Variants in NUP93 observed in about 807,000 individuals in gnomAD.
NUP93 encodes the protein nuclear pore complex protein Nup93.
NUP93 carries 55 observed loss-of-function variants against 107.8 expected under a neutral mutation model. The ratio of observed to expected loss-of-function variants is 0.51; its 90% CI spans 0.41 to 0.64. The LOEUF (loss-of-function observed/expected upper bound fraction) is 0.64. Ranked by LOEUF, NUP93 falls within the 30% of genes least tolerant of loss-of-function variation. The pLI, the probability that NUP93 is intolerant of heterozygous loss-of-function variation, is 0.00. For synonymous variants in NUP93, 390 were observed against 397.5 expected (o/e 0.98, Z 0.22); for missense variants, 937 against 1,044.7 (o/e 0.90, Z 1.42).
rs1304204997 is a variant in NUP93 at position 56,849,115 on chromosome 16, A to C, written c.*4506A>C. 6.6e-6 allele frequency: 1 copy of C among 152,246 alleles called. No individual in the cohort carries two copies. The highest frequency in any genetic ancestry group is 2.4e-5 in the African/African-American group (1 of 41,456). The allele number at this position is 152,246 out of a possible 1,614,324, so 9.4% of individuals were successfully genotyped here. A position where few individuals can be genotyped will look rare whatever the true frequency, so the allele number is the denominator to read the frequency against. ...GGCTCCTCCCCACATCCTCTGGATCAGCTCCACGTGCCTAGATTCAGACTC... is the reference window on the plus strand; with the variant it reads ...GGCTCCTCCCCACATCCTCTGGATCCGCTCCACGTGCCTAGATTCAGACTC... On this transcript the variant is annotated 3_prime_UTR_variant, in exon 22 of 22. Transcript: ENST00000308159.
intron 2 of NUP93, among the ~76,000 whole-genome samples, chr16:56,749,970 G>A (rs1399695019): frequency 6.6e-6 from 1 of 152,194 alleles, no homozygotes; most frequent in Non-Finnish European, 1.5e-5. Context: ...ACTCCTGGCT[G>A]CCTGCAGTTA....
chr16:56,746,235 G>A (rs1349199369), intron 1 of NUP93, among the ~76,000 whole-genome samples: 1 of 152,170 alleles, frequency 6.6e-6, no homozygotes, highest in East Asian at 1.9e-4. Context: ...CCATGGTTTC[G>A]TGTAATTAGT....
chr16:56,808,811 A>AATATGT (rs1199656874), intron 5 of NUP93, among the ~76,000 whole-genome samples: 1 of 140,954 alleles, frequency 7.1e-6, no homozygotes, highest in Admixed American at 7.1e-5. Context: ...TACATATATA[A>AATATGT]ATATAAATAC....
intron 3 of NUP93, among the ~76,000 whole-genome samples, chr16:56,787,037 A>G (rs1962642981): frequency 6.6e-6 from 1 of 152,248 alleles, no homozygotes; most frequent in Admixed American, 6.5e-5. Flanking sequence ...CAGCTCTGAC[A>G]GGGTAAAGTC....
rs146511371 is a variant in NUP93 at position 56,806,153 on chromosome 16, C to T, written c.489+521C>T. Among the ~76,000 whole-genome samples, 777 of 151,134 alleles carry T rather than the reference C, an allele frequency of 5.1e-3. 6 individuals are homozygous for T. The highest frequency in any genetic ancestry group is 7.4e-3 in the Non-Finnish European group (503 of 67,870). On this transcript the variant is annotated intron_variant, in intron 5 of 21. Coordinates refer to ENST00000308159, the MANE Select transcript of NUP93 (RefSeq NM_014669.5). Reference sequence around the variant, plus strand: ...GCAACTCCTTCCCTATCCCCCTTCTCTTCTCACAGAGTTCCCTATCTTTAT... The same window carrying T: ...GCAACTCCTTCCCTATCCCCCTTCTTTTCTCACAGAGTTCCCTATCTTTAT...
At chr16:56,784,290 C>T in intron 3 of NUP93, among the ~76,000 whole-genome samples, 1 of 152,000 alleles carries the variant, frequency 6.6e-6, no homozygotes, top group East Asian at 1.9e-4. Flanking sequence ...CTTATTTTTG[C>T]TCTTGTTTTT....
rs140437118 is a variant in NUP93, at chr16:56,834,745, T to G, written c.1749T>G (p.Ile583Met). 864 of 1,612,444 alleles carry G rather than the reference T, an allele frequency of 5.4e-4. 8 individuals carry two copies. The Middle Eastern group carries it at 5.6e-3, about 10-fold the overall frequency. Residue 583 changes from isoleucine (I) to methionine (M), a missense_variant, in exon 16 of 22, where the codon ATT becomes ATG. Ile to Met is a conservative substitution (Grantham distance 10). Coordinates refer to ENST00000308159, the MANE Select transcript of NUP93 (RefSeq NM_014669.5). ...TTTTCCTTCCACAGTTCGATATGATTCTTGGGAAACTAGAGAATGACGGAA... is the reference window on the plus strand; with the variant it reads ...TTTTCCTTCCACAGTTCGATATGATGCTTGGGAAACTAGAGAATGACGGAA... ...LVIESREFDM[I>M]LGKLENDGSR... is the part of the protein sequence containing the mutation.
chr16:56,765,562 T>C (rs1349276400), intron 3 of NUP93, among the ~76,000 whole-genome samples: 1 of 152,162 alleles, frequency 6.6e-6, no homozygotes, highest in Admixed American at 6.5e-5. Context: ...AAGATTTGGG[T>C]GTAGTGACTG....
intron 3 of NUP93, among the ~76,000 whole-genome samples, chr16:56,790,822 T>C (rs900486175): frequency 6.6e-6 from 1 of 152,224 alleles, no homozygotes; most frequent in South Asian, 2.1e-4. Flanking sequence ...CCAATACTTA[T>C]TGGACTTCTT....
At chr16:56,746,396 A>G (rs1961821775) in intron 1 of NUP93, among the ~76,000 whole-genome samples, 1 of 152,156 alleles carries the variant, frequency 6.6e-6, no homozygotes, top group East Asian at 1.9e-4. Context: ...CCATTTTCTC[A>G]CAATAAAGAT....
intron 1 of NUP93, among the ~76,000 whole-genome samples, chr16:56,735,193 G>C (rs181629653): frequency 6.6e-5 from 10 of 152,328 alleles, no homozygotes; most frequent in Admixed American, 2.0e-4. Context: ...TGGTAATAAT[G>C]ATAGCTAATG....
At position 56,833,331 on chromosome 16, in the gene NUP93, C is replaced by T. The variant is rs761061459; in HGVS notation, c.1462C>T (p.His488Tyr). ...TTTCCGCATGGAGCGGCTGCGCTGC[C>T]ATGCTGTCCATGTAGCACTGGTGCT... is the stretch of plus-strand genomic sequence containing the variant. ...FLFRMERLRCHAVHVALVLFE... is the reference protein window; with the variant it reads ...FLFRMERLRCYAVHVALVLFE... Residue 488 changes from histidine to tyrosine, a missense_variant, in exon 13 of 22, where the codon CAT becomes TAT. Coordinates refer to ENST00000308159, the MANE Select transcript of NUP93 (RefSeq NM_014669.5). 1.2e-6 allele frequency: 2 copies of T among 1,606,490 alleles called. No homozygotes were observed. Among genetic ancestry groups the T allele is most frequent in the Admixed American group, 1.7e-5 (1 of 58,678 alleles).
intron 10 of NUP93, 109 bp downstream of exon 10, chr16:56,830,794 T>C (rs1185525750): frequency 2.8e-6 from 3 of 1,083,542 alleles, no homozygotes; most frequent in East Asian, 2.7e-5. Flanking sequence ...AAGTTTCTGC[T>C]TGGGGGAAAA....
At position 56,758,606 on chromosome 16, in the gene NUP93, C is replaced by T; in HGVS notation, c.248C>T (p.Ala83Val). 1.2e-6 allele frequency: 2 copies of T among 1,613,890 alleles called. No homozygotes were observed. Among genetic ancestry groups the T allele is most frequent in the Non-Finnish European group, 1.7e-6 (2 of 1,179,870 alleles). The change falls in exon 3 of 22, where the codon GCA becomes GTA. Residue 83 changes from alanine to valine, a missense_variant. Coordinates refer to ENST00000308159, the MANE Select transcript of NUP93 (RefSeq NM_014669.5). Reference sequence around the variant, plus strand: ...TCCCAGCGATTGGAGAGTCTGAGTGCAGCCACCACCTTTGAGCCTCTTGAG... The same window carrying T: ...TCCCAGCGATTGGAGAGTCTGAGTGTAGCCACCACCTTTGAGCCTCTTGAG... ...HISQRLESLS[A>V]ATTFEPLEPV...
intron 1 of NUP93, among the ~76,000 whole-genome samples, chr16:56,744,580 C>G (rs1961791705): frequency 6.6e-6 from 1 of 152,170 alleles, no homozygotes; most frequent in South Asian, 2.1e-4. Flanking sequence ...TATAGTATTT[C>G]ATACATATCT....
At chr16:56,796,116 T>G (rs1422064478) in intron 3 of NUP93, among the ~76,000 whole-genome samples, 1 of 152,054 alleles carries the variant, frequency 6.6e-6, no homozygotes, top group African/African-American at 2.4e-5. Context: ...TAAATGTATA[T>G]CCCCAATATT....
intron 13 of NUP93, among the ~76,000 whole-genome samples, chr16:56,833,688 C>T (rs913762418): frequency 1.3e-5 from 2 of 151,150 alleles, no homozygotes; most frequent in Admixed American, 1.3e-4. Flanking sequence ...AAGAAGCAGC[C>T]CCTAGAGTTA....
chr16:56,844,005 G>A (rs1204586657), intron 21 of NUP93, among the ~76,000 whole-genome samples: 1 of 152,222 alleles, frequency 6.6e-6, no homozygotes, highest in Admixed American at 6.5e-5. Context: ...TGAAAGGAAG[G>A]AAGAGGAAAG....
At chr16:56,791,604 C>T (rs1414316419) in intron 3 of NUP93, among the ~76,000 whole-genome samples, 4 of 152,216 alleles carry the variant, frequency 2.6e-5, no homozygotes, top group African/African-American at 9.6e-5. Context: ...CCAGAGTTTG[C>T]ATGATAGGTA....
Sources: allele counts gnomAD v4.1 joint callset (sites outside exome capture counted in the v4.1 genomes callset), GRCh38; gene constraint gnomAD v4.1.1; transcripts MANE v1.5; gene names NCBI Gene and HGNC (gene_info 2026-07-23, HGNC 2026-07-21).